TAS2R1: variants seen among roughly 807,000 people sequenced by gnomAD.
The protein encoded by TAS2R1 is taste receptor type 2 member 1.
For synonymous variants in TAS2R1, 141 were observed against 134.2 expected (o/e 1.05, Z -0.35); for missense variants, 370 against 353.4 (o/e 1.05, Z -0.38).
upstream of TAS2R1, among the ~76,000 whole-genome samples, chr5:9,633,313 T>TATATATATATATATATATA (rs1254101852): frequency 3.1e-5 from 4 of 129,016 alleles, no homozygotes; most frequent in African/African-American, 1.3e-4. Flanking sequence ...TATATATATA[T>TATATATATATATATATATA]ATATATACAC....
the TAS2R1 span, among the ~76,000 whole-genome samples, chr5:9,802,370 G>A: frequency 1.3e-5 from 2 of 152,164 alleles, no homozygotes; most frequent in Non-Finnish European, 2.9e-5. Flanking sequence ...AACCCTAGGT[G>A]AAGAGTGCAA....
chr5:9,783,459 G>T, the TAS2R1 span, among the ~76,000 whole-genome samples: 1 of 152,196 alleles, frequency 6.6e-6, no homozygotes, highest in African/African-American at 2.4e-5. Context: ...AAGAATATGT[G>T]CATCCGTGCT....
At chr5:9,662,777 T>TA in intron 1 of TAS2R1, among the ~76,000 whole-genome samples, 1 of 152,328 alleles carries the variant, frequency 6.6e-6, no homozygotes, top group Admixed American at 6.5e-5. Context: ...AGAAGATTGA[T>TA]AGTGTTTTTG....
At chr5:9,722,584 G>A in the TAS2R1 span, among the ~76,000 whole-genome samples, 3 of 152,288 alleles carry the variant, frequency 2.0e-5, no homozygotes, top group Non-Finnish European at 4.4e-5. Flanking sequence ...AGCATTGTGG[G>A]TCAGTCTCAA....
the TAS2R1 span, among the ~76,000 whole-genome samples, chr5:9,877,153 G>A: frequency 1.8e-4 from 28 of 152,302 alleles, no homozygotes; most frequent in South Asian, 2.7e-3. Context: ...ATTTAACACA[G>A]AGGTTCCTTA....
At chr5:9,820,132 T>C in the TAS2R1 span, among the ~76,000 whole-genome samples, 3 of 152,040 alleles carry the variant, frequency 2.0e-5, no homozygotes, top group South Asian at 2.1e-4. Context: ...GCCCCTTCTT[T>C]TAAAGAGCAT....
At chr5:9,712,539 G>A (rs1734710076), upstream of TAS2R1, 2 of 152,222 alleles carry the variant, frequency 1.3e-5, no homozygotes, top group African/African-American at 4.8e-5. Flanking sequence ...AAGGAATTCA[G>A]CCTCAAAACT....
At chr5:9,896,406 C>A in the TAS2R1 span, among the ~76,000 whole-genome samples, 14 of 152,112 alleles carry the variant, frequency 9.2e-5, no homozygotes, top group Admixed American at 8.5e-4. Flanking sequence ...ACATTTTATA[C>A]CAAAAAGAAC....
At chr5:9,871,483 A>G in the TAS2R1 span, among the ~76,000 whole-genome samples, 5 of 152,124 alleles carry the variant, frequency 3.3e-5, no homozygotes, top group Non-Finnish European at 7.4e-5. Context: ...GTCTGATCCA[A>G]TTGTCATCCC....
chr5:9,780,030 C>T, the TAS2R1 span, among the ~76,000 whole-genome samples: 1 of 152,234 alleles, frequency 6.6e-6, no homozygotes, highest in Non-Finnish European at 1.5e-5. Context: ...GCCACATACC[C>T]TGTGACCTGT....
the TAS2R1 span, among the ~76,000 whole-genome samples, chr5:9,869,212 A>G: frequency 6.6e-6 from 1 of 152,306 alleles, no homozygotes; most frequent in South Asian, 2.1e-4. Flanking sequence ...GTATCAATTT[A>G]CTGTATTAGT....
the TAS2R1 span, among the ~76,000 whole-genome samples, chr5:9,771,663 C>T: frequency 6.6e-6 from 1 of 151,946 alleles, no homozygotes; most frequent in African/African-American, 2.4e-5. Flanking sequence ...TGCTGGGAGA[C>T]TTTTTATTAT....
At chr5:9,790,730 G>C in the TAS2R1 span, among the ~76,000 whole-genome samples, 1 of 152,124 alleles carries the variant, frequency 6.6e-6, no homozygotes, top group Non-Finnish European at 1.5e-5. Flanking sequence ...CCAGGTTCAA[G>C]CAATTCTTCC....
chr5:9,830,585 GTAGA>G, the TAS2R1 span, among the ~76,000 whole-genome samples: 35 of 143,392 alleles, frequency 2.4e-4, no homozygotes, highest in South Asian at 4.7e-4. Context: ...AGGTAGGTAG[GTAGA>G]TAGACACGTG....
the TAS2R1 span, among the ~76,000 whole-genome samples, chr5:9,894,455 G>GACAC: frequency 6.6e-6 from 1 of 150,686 alleles, no homozygotes; most frequent in East Asian, 1.9e-4. Flanking sequence ...GCAGCAGGGA[G>GACAC]ACACACACAC....
At chr5:9,860,857 T>TA in the TAS2R1 span, among the ~76,000 whole-genome samples, 1 of 152,000 alleles carries the variant, frequency 6.6e-6, no homozygotes, top group Non-Finnish European at 1.5e-5. Context: ...TGGGAGCAGT[T>TA]AAAAAGGGAC....
At chr5:9,679,813 T>C (rs1475710272) in intron 1 of TAS2R1, among the ~76,000 whole-genome samples, 2 of 152,198 alleles carry the variant, frequency 1.3e-5, no homozygotes, top group African/African-American at 2.4e-5. Flanking sequence ...CATGTATATA[T>C]GAAGGTTAGC....
In TAS2R1 at chr5:9,674,385, A is replaced by G. The variant is rs187395803; in HGVS notation, c.-241-14804T>C. On this transcript the variant is annotated intron_variant, in intron 1 of 2. Coordinates refer to the TAS2R1 transcript ENST00000506620. ...AAGTACATCCCACATGGTCCTACACACCATATAATCCAAATACAATTTATC... is the reference window on the plus strand; with the variant it reads ...AAGTACATCCCACATGGTCCTACACGCCATATAATCCAAATACAATTTATC... Among the ~76,000 whole-genome samples the G allele has an allele frequency of 2.2e-3, 342 of 152,326 alleles. 1 individual carries two copies. The highest frequency in any genetic ancestry group is 9.7e-4 in the Non-Finnish European group (66 of 68,022).
At chr5:9,887,342 C>T in the TAS2R1 span, among the ~76,000 whole-genome samples, 1 of 152,200 alleles carries the variant, frequency 6.6e-6, no homozygotes, top group East Asian at 1.9e-4. Flanking sequence ...TTGTCTTCCA[C>T]TATAATGATG....
Sources: gnomAD v4.1 joint callset for allele counts (sites outside exome capture counted in the v4.1 genomes callset) on GRCh38, gnomAD v4.1.1 for gene constraint, MANE v1.5 for transcripts, NCBI Gene and HGNC (gene_info 2026-07-23, HGNC 2026-07-21) for gene names.